Variants in HACE1 observed in about 807,000 individuals in gnomAD.
HACE1 encodes the protein E3 ubiquitin-protein ligase HACE1.
In HACE1, 73 loss-of-function variants were observed where a neutral mutation model predicts 118.4. The ratio of observed to expected loss-of-function variants is 0.62; its 90% CI spans 0.51 to 0.75. HACE1 has a LOEUF of 0.75. Among genes scored for constraint, HACE1 ranks in the 30% least tolerant of loss-of-function variants. The pLI, the probability that HACE1 is intolerant of heterozygous loss-of-function variation, is 0.00. For missense variants in HACE1, 749 were observed against 1,102.2 expected (o/e 0.68, Z 4.54); for synonymous variants, 368 against 374.8 (o/e 0.98, Z 0.21).
intron 22 of HACE1, among the ~76,000 whole-genome samples, chr6:104,736,606 T>C (rs1562253395): frequency 6.6e-6 from 1 of 152,194 alleles, no homozygotes; most frequent in Admixed American, 6.5e-5. Context: ...AAATCTTTAA[T>C]ACCTAAAACA....
rs1777134505 is a variant in HACE1, at chr6:104,859,752, T to C, written c.-110A>G. 9.6e-7 allele frequency: 1 copy of C among 1,039,344 alleles called. No individual in the cohort carries two copies. Among genetic ancestry groups the C allele is most frequent in the East Asian group, 2.9e-5 (1 of 34,040 alleles). The allele number at this position is 1,039,344 out of a possible 1,614,324, so 64.4% of individuals were successfully genotyped here. A position where few individuals can be genotyped will look rare whatever the true frequency, so the allele number is the denominator to read the frequency against. On this transcript the variant is annotated 5_prime_UTR_variant, in exon 1 of 24. Transcript: ENST00000262903. Reference sequence around the variant, plus strand: ...CGTCCAGCAGGCGGAGACGCGGGCTTGCCCCGGCTAGAGCACTGAGCTGCG... The same window carrying C: ...CGTCCAGCAGGCGGAGACGCGGGCTCGCCCCGGCTAGAGCACTGAGCTGCG...
intron 6 of HACE1, among the ~76,000 whole-genome samples, chr6:104,826,651 T>TAA (rs1197717965): frequency 6.6e-6 from 1 of 152,222 alleles, no homozygotes; most frequent in African/African-American, 2.4e-5. Flanking sequence ...TGCAAACACG[T>TAA]AAAAGCATGC....
At chr6:104,756,376 C>T (rs559162566) in intron 19 of HACE1, among the ~76,000 whole-genome samples, 4 of 145,484 alleles carry the variant, frequency 2.7e-5, no homozygotes, top group Non-Finnish European at 6.0e-5. Flanking sequence ...CACACCACTG[C>T]ACCCCAGCCT....
chr6:104,859,416 G>A (rs1777081474), intron 1 of HACE1, 151 bp downstream of exon 1: 2 of 641,200 alleles, frequency 3.1e-6, no homozygotes, highest in South Asian at 2.0e-5. Flanking sequence ...GGAGTTCGGG[G>A]CCCGGGGCCG....
intron 1 of HACE1, among the ~76,000 whole-genome samples, chr6:104,857,169 A>G (rs558900043): frequency 6.8e-4 from 100 of 147,590 alleles, no homozygotes; most frequent in African/African-American, 2.1e-3. Context: ...ACATATATAT[A>G]TTTATTTACA....
chr6:104,848,150 T>C (rs905331626), intron 4 of HACE1, among the ~76,000 whole-genome samples: 4 of 150,386 alleles, frequency 2.7e-5, no homozygotes, highest in African/African-American at 9.8e-5. Flanking sequence ...CATAAAGAAG[T>C]TTTACAGTGT....
At chr6:104,758,559 T>C (rs1457173407) in intron 19 of HACE1, among the ~76,000 whole-genome samples, 1 of 151,988 alleles carries the variant, frequency 6.6e-6, no homozygotes, top group Non-Finnish European at 1.5e-5. Flanking sequence ...GCACTAAACA[T>C]GGAAAGTAAC....
chr6:104,824,906 T>C (rs1773147236), intron 6 of HACE1: 1 of 147,774 alleles, frequency 6.8e-6, no homozygotes, highest in East Asian at 2.0e-4. Flanking sequence ...ACCCCGTCTC[T>C]ACTAAAAAAA....
chr6:104,779,633 T>C (rs965134180), intron 14 of HACE1, among the ~76,000 whole-genome samples: 1 of 152,094 alleles, frequency 6.6e-6, no homozygotes, highest in African/African-American at 2.4e-5. Context: ...AAACTTTGGT[T>C]TAAGAGGAGA....
At chr6:104,795,497 T>C (rs1039036523) in intron 10 of HACE1, 82 bp downstream of exon 10, 1 of 848,820 alleles carries the variant, frequency 1.2e-6, no homozygotes, top group Non-Finnish European at 2.0e-6. Flanking sequence ...TGACAAAAGG[T>C]ATCCCACAGA....
At chr6:104,757,760 G>C (rs1329572224) in intron 19 of HACE1, among the ~76,000 whole-genome samples, 2 of 152,248 alleles carry the variant, frequency 1.3e-5, no homozygotes, top group East Asian at 3.9e-4. Context: ...AATTAAAGGA[G>C]CATGTTCTAA....
At chr6:104,850,003 G>A (rs1369589213) in intron 3 of HACE1, among the ~76,000 whole-genome samples, 1 of 144,848 alleles carries the variant, frequency 6.9e-6, no homozygotes, top group African/African-American at 2.6e-5. Flanking sequence ...AGGCTGGAAA[G>A]CAGTGGCACA....
intron 22 of HACE1, among the ~76,000 whole-genome samples, chr6:104,733,275 G>A (rs1043992789): frequency 3.3e-5 from 5 of 151,848 alleles, no homozygotes; most frequent in Non-Finnish European, 7.4e-5. Flanking sequence ...AATTTTGAAC[G>A]GTAAGTTAAA....
rs59915070 is a variant in HACE1, at chr6:104,737,282, C to CAAA, written c.2514-6869_2514-6867dup. 4.9e-3 allele frequency among the ~76,000 whole-genome samples: 207 copies of CAAA among 42,674 alleles called. 8 individuals carry two copies. The highest frequency in any genetic ancestry group is 0.025 in the East Asian group (36 of 1,430). The allele number at this position is 42,674 out of a possible 152,430, so 28.0% of individuals were successfully genotyped here. A position where few individuals can be genotyped will look rare whatever the true frequency, so the allele number is the denominator to read the frequency against. ...TGGGGGACAGAGTGAGACTCTCTCTCAAAAAAAAAAAAAAAAAAAAAAAAA... is the reference window on the plus strand; with the variant it reads ...TGGGGGACAGAGTGAGACTCTCTCTCAAAAAAAAAAAAAAAAAAAAAAAAAAAA... On this transcript the variant is annotated intron_variant, in intron 22 of 23. Coordinates refer to ENST00000262903, the MANE Select transcript of HACE1 (RefSeq NM_020771.4).
intron 2 of HACE1, among the ~76,000 whole-genome samples, chr6:104,851,822 G>A (rs1342889765): frequency 1.3e-5 from 2 of 152,110 alleles, no homozygotes; most frequent in East Asian, 3.8e-4. Flanking sequence ...CCATGGCAGA[G>A]CTGACTGGTG....
chr6:104,810,523 CTATAG>C (rs957176209), intron 7 of HACE1, among the ~76,000 whole-genome samples: 4 of 151,980 alleles, frequency 2.6e-5, no homozygotes, highest in African/African-American at 7.2e-5. Context: ...AGAAGAATTA[CTATAG>C]TATTCTATAA....
chr6:104,858,008 T>C (rs1391878525), intron 1 of HACE1, among the ~76,000 whole-genome samples: 1 of 151,210 alleles, frequency 6.6e-6, no homozygotes, highest in Non-Finnish European at 1.5e-5. Context: ...AAAGACTATA[T>C]GCAACATGAT....
intron 11 of HACE1, among the ~76,000 whole-genome samples, chr6:104,789,587 ACATTTAAATCAATATTTAAAT>A (rs1347625416): frequency 2.6e-5 from 4 of 152,158 alleles, no homozygotes; most frequent in Admixed American, 6.5e-5. Flanking sequence ...TAGAAAACTA[ACATTTAAATCAATATTTAAAT>A]CATTTAAATC....
intron 14 of HACE1, among the ~76,000 whole-genome samples, chr6:104,780,887 A>G (rs6920403): frequency 0.19 from 29,420 of 152,074 alleles, 2,907 homozygotes; most frequent in East Asian, 0.26. Context: ...ATAGTTTTAA[A>G]GACTGCAGGT....
Sources: allele counts gnomAD v4.1 joint callset (sites outside exome capture counted in the v4.1 genomes callset), GRCh38; gene constraint gnomAD v4.1.1; transcripts MANE v1.5; gene names NCBI Gene and HGNC (gene_info 2026-07-23, HGNC 2026-07-21).